LINGO2: variants seen among roughly 807,000 people sequenced by gnomAD.
The protein encoded by LINGO2 is leucine rich repeat and Ig domain containing 2.
A neutral mutation model predicts 30.6 loss-of-function variants in LINGO2; 14 were observed. The observed-to-expected ratio is 0.46, with a 90% CI of 0.30 to 0.72. LINGO2 has a LOEUF of 0.72. Among genes scored for constraint, LINGO2 ranks in the 30% least tolerant of loss-of-function variants. LINGO2 has a pLI of 0.07. For synonymous variants in LINGO2, 317 were observed against 288.5 expected, an observed-to-expected ratio of 1.10 and a Z score of -1.00; for missense variants, 729 against 751.7, an observed-to-expected ratio of 0.97 and a Z score of 0.35.
At chr9:28,505,138 C>A (rs764132631) in intron 1 of LINGO2, among the ~76,000 whole-genome samples, 16 of 151,728 alleles carry the variant, frequency 1.1e-4, no homozygotes, top group Non-Finnish European at 2.4e-4. Flanking sequence ...AAAAATTAAC[C>A]AACTATAATG....
intron 1 of LINGO2, among the ~76,000 whole-genome samples, chr9:28,524,705 A>T (rs1820952206): frequency 6.6e-6 from 1 of 152,214 alleles, no homozygotes; most frequent in African/African-American, 2.4e-5. Context: ...GTGAGCAGAG[A>T]TCACGCCATT....
chr9:28,343,662 A>G (rs1229697220), intron 3 of LINGO2, among the ~76,000 whole-genome samples: 3 of 152,182 alleles, frequency 2.0e-5, no homozygotes, highest in Non-Finnish European at 4.4e-5. Flanking sequence ...AAACTATTTA[A>G]GGATCTTACT....
At chr9:28,290,523 C>T (rs901431937) in intron 4 of LINGO2, among the ~76,000 whole-genome samples, 4 of 152,160 alleles carry the variant, frequency 2.6e-5, no homozygotes, top group African/African-American at 4.8e-5. Context: ...ACAACAATAT[C>T]GCCAAGGAAG....
intron 5 of LINGO2, among the ~76,000 whole-genome samples, chr9:28,011,750 C>T (rs1822564652): frequency 6.6e-6 from 1 of 152,202 alleles, no homozygotes; most frequent in African/African-American, 2.4e-5. Context: ...AGTGTGGTCA[C>T]AAACTGTGAG....
chr9:27,949,283 C>T (rs770113244), exon 6 of LINGO2: 2 of 1,614,094 alleles, frequency 1.2e-6, no homozygotes, highest in Admixed American at 1.7e-5. Flanking sequence ...TGCCATCACC[C>T]AACACGGTGG....
At chr9:28,460,946 T>G (rs936782769) in intron 2 of LINGO2, among the ~76,000 whole-genome samples, 1 of 152,030 alleles carries the variant, frequency 6.6e-6, no homozygotes, top group Non-Finnish European at 1.5e-5. Flanking sequence ...TCAACCTAAC[T>G]TTTTTTTAAA....
intron 4 of LINGO2, among the ~76,000 whole-genome samples, chr9:28,270,634 T>C (rs1245135166): frequency 3.9e-5 from 6 of 152,102 alleles, no homozygotes; most frequent in Non-Finnish European, 7.4e-5. Flanking sequence ...TAGCAGCTGG[T>C]ATATGAGCTG....
intron 2 of LINGO2, among the ~76,000 whole-genome samples, chr9:28,447,204 C>A (rs969726581): frequency 1.3e-4 from 20 of 152,084 alleles, no homozygotes; most frequent in African/African-American, 4.6e-4. Context: ...TAGGTCTGGA[C>A]GTTTGTGTCC....
chr9:28,015,126 C>T (rs72722862), intron 4 of LINGO2, among the ~76,000 whole-genome samples: 6,399 of 152,156 alleles, frequency 0.042, 457 homozygotes, highest in East Asian at 0.35. Context: ...AAATCGTCCA[C>T]GCTACTCAGT....
chr9:28,928,335 A>G, the LINGO2 span, among the ~76,000 whole-genome samples: 1 of 152,204 alleles, frequency 6.6e-6, no homozygotes, highest in African/African-American at 2.4e-5. Context: ...CTATCTAAGT[A>G]TGTGAACTTT....
the LINGO2 span, among the ~76,000 whole-genome samples, chr9:29,067,146 G>A: frequency 1.3e-5 from 2 of 151,766 alleles, no homozygotes; most frequent in Non-Finnish European, 3.0e-5. Flanking sequence ...TTATAAATGA[G>A]GGAGAGTATT....
At chr9:29,208,886 A>C in the LINGO2 span, among the ~76,000 whole-genome samples, 1 of 152,270 alleles carries the variant, frequency 6.6e-6, no homozygotes, top group South Asian at 2.1e-4. Context: ...GCACTGGATT[A>C]GTTTCTCTTG....
At chr9:29,065,580 G>A in the LINGO2 span, among the ~76,000 whole-genome samples, 3 of 152,056 alleles carry the variant, frequency 2.0e-5, no homozygotes, top group African/African-American at 7.2e-5. Flanking sequence ...GATAGTTGTA[G>A]GTATGTGGCT....
chr9:28,516,915 G>A (rs1820640363), intron 1 of LINGO2, among the ~76,000 whole-genome samples: 1 of 152,276 alleles, frequency 6.6e-6, no homozygotes, highest in African/African-American at 2.4e-5. Flanking sequence ...TTTCTCAAAT[G>A]TTAGTGACAA....
the LINGO2 span, among the ~76,000 whole-genome samples, chr9:28,826,170 A>C: frequency 2.0e-5 from 3 of 152,172 alleles, no homozygotes; most frequent in African/African-American, 4.8e-5. Context: ...AACGACATTC[A>C]TGGCCAAACC....
intron 1 of LINGO2, among the ~76,000 whole-genome samples, chr9:28,507,236 T>TGTGTGC (rs746568395): frequency 8.2e-6 from 1 of 121,520 alleles, no homozygotes; most frequent in Admixed American, 9.4e-5. Flanking sequence ...TGTGTGTGTG[T>TGTGTGC]GCGTGCGTGC....
the LINGO2 span, among the ~76,000 whole-genome samples, chr9:29,029,626 C>A: frequency 1.1e-4 from 16 of 152,102 alleles, no homozygotes; most frequent in Non-Finnish European, 1.8e-4. Flanking sequence ...GTAAACCTGA[C>A]ATCTCTTTAA....
At chr9:28,799,969 C>A in the LINGO2 span, among the ~76,000 whole-genome samples, 1 of 151,470 alleles carries the variant, frequency 6.6e-6, no homozygotes, top group African/African-American at 2.4e-5. Context: ...TAGCAAAAAA[C>A]TTTTTTTTTC....
intron 1 of LINGO2, among the ~76,000 whole-genome samples, chr9:28,491,261 T>A (rs939006518): frequency 1.3e-5 from 2 of 152,214 alleles, no homozygotes; most frequent in African/African-American, 4.8e-5. Flanking sequence ...ATTCCTTGTC[T>A]CTTGCAGCTT....
Sources: gnomAD v4.1 joint callset for allele counts (sites outside exome capture counted in the v4.1 genomes callset) on GRCh38, gnomAD v4.1.1 for gene constraint, MANE v1.5 for transcripts, NCBI Gene and HGNC (gene_info 2026-07-23, HGNC 2026-07-21) for gene names.